Variants in ARFGAP3 observed in about 807,000 individuals in gnomAD.
ARFGAP3 encodes ADP-ribosylation factor GTPase-activating protein 3.
Under a neutral mutation model 75.0 loss-of-function variants are expected in ARFGAP3, and 72 were observed. The ratio of observed to expected loss-of-function variants is 0.96; its 90% CI spans 0.79 to 1.17. The LOEUF (loss-of-function observed/expected upper bound fraction) is 1.17, where lower values mean the gene tolerates loss of function less well. Ranked by LOEUF, ARFGAP3 falls within the 50% of genes most tolerant of loss-of-function variation. The pLI is 0.00. For missense variants in ARFGAP3, 620 were observed against 626.6 expected (o/e 0.99, Z 0.11); for synonymous variants, 221 against 217.9 (o/e 1.01, Z -0.13).
chr22:42,798,301 A>C (rs1377240899), intron 15 of ARFGAP3, among the ~76,000 whole-genome samples: 1 of 152,226 alleles, frequency 6.6e-6, no homozygotes, highest in Non-Finnish European at 1.5e-5. Flanking sequence ...CTTGAACTGC[A>C]GCTAGAGCAG....
At chr22:42,803,764 C>T (rs527962740) in intron 14 of ARFGAP3, among the ~76,000 whole-genome samples, 4 of 152,222 alleles carry the variant, frequency 2.6e-5, no homozygotes, top group Non-Finnish European at 4.4e-5. Flanking sequence ...CCCGTAAGAA[C>T]GGCCGCAGGT....
At chr22:42,856,821 G>C (rs574731361) in intron 1 of ARFGAP3, among the ~76,000 whole-genome samples, 1 of 150,160 alleles carries the variant, frequency 6.7e-6, no homozygotes, top group African/African-American at 2.4e-5. Context: ...GCTCAGAGCC[G>C]CCGGTGCTCG....
intron 5 of ARFGAP3, among the ~76,000 whole-genome samples, chr22:42,832,391 C>T (rs753102267): frequency 6.0e-5 from 9 of 151,222 alleles, no homozygotes; most frequent in Non-Finnish European, 1.0e-4. Flanking sequence ...ATTAGCCAGG[C>T]GTGGTGGTGT....
At chr22:42,856,971 C>A (rs957414599) in intron 1 of ARFGAP3, 143 bp downstream of exon 1, 1 of 786,610 alleles carries the variant, frequency 1.3e-6, no homozygotes, top group Non-Finnish European at 1.6e-6. Flanking sequence ...CCCGGCCCGG[C>A]CAGGCTGCCG....
At chr22:42,848,441 C>G (rs1927122450) in intron 1 of ARFGAP3, among the ~76,000 whole-genome samples, 1 of 152,222 alleles carries the variant, frequency 6.6e-6, no homozygotes, top group Non-Finnish European at 1.5e-5. Flanking sequence ...ATCTCCTGAC[C>G]TCGTGATCCA....
intron 7 of ARFGAP3, among the ~76,000 whole-genome samples, chr22:42,826,216 A>G (rs974563045): frequency 3.3e-5 from 5 of 152,182 alleles, no homozygotes; most frequent in African/African-American, 1.2e-4. Flanking sequence ...ATTTAAGATT[A>G]AGTTCACCTA....
chr22:42,841,641 AGC>A (rs1926785147), intron 2 of ARFGAP3, among the ~76,000 whole-genome samples: 1 of 152,208 alleles, frequency 6.6e-6, no homozygotes, highest in East Asian at 1.9e-4. Flanking sequence ...TCGACGGTAA[AGC>A]AACAATGTTA....
Position 42,797,424 on chromosome 22 carries a change from CTCAGAAT to C in ARFGAP3, c.*157_*163del. The C allele has an allele frequency of 1.1e-6, 1 of 869,834 alleles. No homozygotes were observed. 53.9% of individuals were successfully genotyped at this position (869,834 alleles called of 1,614,324 possible). On this transcript the variant is annotated 3_prime_UTR_variant, in exon 16 of 16. Coordinates refer to ENST00000263245, the MANE Select transcript of ARFGAP3 (RefSeq NM_014570.5). ...TCACAGGAAAGCTCCTACATCAGAA[CTCAGAAT>C]TTCTCAAAAGAAATATTAAAAATCA...
chr22:42,828,056 G>C (rs1462478496), intron 6 of ARFGAP3, among the ~76,000 whole-genome samples: 1 of 152,028 alleles, frequency 6.6e-6, no homozygotes, highest in African/African-American at 2.4e-5. Context: ...AGGTCGAGGC[G>C]GGCAGATCAC....
chr22:42,807,744 A>G (rs998596507), intron 13 of ARFGAP3, among the ~76,000 whole-genome samples: 11 of 151,796 alleles, frequency 7.2e-5, no homozygotes, highest in Non-Finnish European at 1.3e-4. Context: ...CCCCACTTCC[A>G]CTTGAGTCTT....
At chr22:42,849,578 T>TA (rs11464548) in intron 1 of ARFGAP3, among the ~76,000 whole-genome samples, 2 of 108,106 alleles carry the variant, frequency 1.9e-5, no homozygotes, top group African/African-American at 8.4e-5. Flanking sequence ...TTTTTTTTTT[T>TA]AAAGAGACAA....
At chr22:42,806,239 C>T (rs1253626929) in intron 14 of ARFGAP3, among the ~76,000 whole-genome samples, 1 of 151,728 alleles carries the variant, frequency 6.6e-6, no homozygotes, top group Non-Finnish European at 1.5e-5. Context: ...GACGCTGCCC[C>T]TTTCACGTTA....
rs377066340 is a variant in ARFGAP3 at position 42,828,059 on chromosome 22, C to T, written c.566-1060G>A. 7.2e-5 allele frequency among the ~76,000 whole-genome samples: 11 copies of T among 152,110 alleles called. No individual in the cohort carries two copies. The East Asian group carries it at 9.7e-4, about 13-fold the overall frequency. On this transcript the variant is annotated intron_variant, in intron 6 of 15. Transcript: ENST00000263245. ...CAGCACTTTGGGAGGTCGAGGCGGG[C>T]AGATCACTTGAGGTCAGGAGTTTGA...
At chr22:42,848,979 A>G (rs2146587122) in intron 1 of ARFGAP3, among the ~76,000 whole-genome samples, 1 of 152,008 alleles carries the variant, frequency 6.6e-6, no homozygotes, top group South Asian at 2.1e-4. Context: ...CCCACCTTGG[A>G]TCACTAGCTC....
At position 42,797,509 on chromosome 22, in the gene ARFGAP3, C is replaced by T; in HGVS notation, c.*79G>A. On this transcript the variant is annotated 3_prime_UTR_variant, in exon 16 of 16. Transcript: ENST00000263245. ...AAAACAATCTGCAAAACTATCTGGACTTCACTGCCGCCTGAGATGTGGTTA... is the reference window on the plus strand; with the variant it reads ...AAAACAATCTGCAAAACTATCTGGATTTCACTGCCGCCTGAGATGTGGTTA... 6.3e-7 allele frequency: 1 copy of T among 1,581,494 alleles called. No individual in the cohort carries two copies. The highest frequency in any genetic ancestry group is 8.7e-7 in the Non-Finnish European group (1 of 1,151,286).
chr22:42,821,664 T>A (rs1272505768), intron 9 of ARFGAP3, among the ~76,000 whole-genome samples: 1 of 152,238 alleles, frequency 6.6e-6, no homozygotes, highest in Non-Finnish European at 1.5e-5. Flanking sequence ...TTTTGGCTAT[T>A]AGGATTAACG....
chr22:42,857,018 C>G, intron 1 of ARFGAP3, 96 bp downstream of exon 1: 5 of 1,295,952 alleles, frequency 3.9e-6, no homozygotes, highest in Non-Finnish European at 5.0e-6. Flanking sequence ...GCCGCGCCGG[C>G]CCCGCCTCCC....
chr22:42,845,332 C>G (rs748085955), intron 2 of ARFGAP3, among the ~76,000 whole-genome samples: 4 of 151,086 alleles, frequency 2.6e-5, no homozygotes, highest in Non-Finnish European at 4.5e-5. Flanking sequence ...CAAGACCAAC[C>G]TGGCCAACAC....
intron 3 of ARFGAP3, among the ~76,000 whole-genome samples, chr22:42,840,263 T>TC (rs1201598820): frequency 6.6e-6 from 1 of 151,906 alleles, no homozygotes; most frequent in Non-Finnish European, 1.5e-5. Flanking sequence ...TGTCACTATA[T>TC]CCCCAGCAGC....
Sources: gnomAD v4.1 joint callset for allele counts (sites outside exome capture counted in the v4.1 genomes callset) on GRCh38, gnomAD v4.1.1 for gene constraint, MANE v1.5 for transcripts, NCBI Gene and HGNC (gene_info 2026-07-23, HGNC 2026-07-21) for gene names.